The following COBL variants were observed in gnomAD, a reference collection of about 807,000 sequenced individuals.
COBL encodes the protein cordon-bleu WH2 repeat protein.
A neutral mutation model predicts 98.8 loss-of-function variants in COBL; 51 were observed. The ratio of observed to expected loss-of-function variants is 0.52; its 90% CI spans 0.41 to 0.65. The LOEUF is 0.65. COBL is among the 30% of genes least tolerant of loss of function. COBL has a pLI of 0.00. For synonymous variants in COBL, 634 were observed against 651.7 expected, an observed-to-expected ratio of 0.97 and a Z score of 0.41; for missense variants, 1,617 against 1,617.5, an observed-to-expected ratio of 1.00 and a Z score of 0.01.
intron 1 of COBL, among the ~76,000 whole-genome samples, chr7:51,228,461 A>C (rs1165941577): frequency 6.6e-6 from 1 of 152,104 alleles, no homozygotes; most frequent in Non-Finnish European, 1.5e-5. Context: ...CTGGCTCCTC[A>C]AAATGCCTAA....
intron 6 of COBL, among the ~76,000 whole-genome samples, chr7:51,115,948 C>A (rs1797236867): frequency 6.6e-6 from 1 of 151,954 alleles, no homozygotes; most frequent in Non-Finnish European, 1.5e-5. Context: ...TGTATTGATT[C>A]TTTAATCATT....
chr7:51,217,678 G>A (rs1480185490), intron 2 of COBL, among the ~76,000 whole-genome samples: 1 of 152,038 alleles, frequency 6.6e-6, no homozygotes, highest in Non-Finnish European at 1.5e-5. Context: ...ATGTACCTAG[G>A]AATTGGGCTA....
chr7:51,054,181 CTCAA>C (rs1208429527), intron 7 of COBL, among the ~76,000 whole-genome samples: 2 of 152,156 alleles, frequency 1.3e-5, no homozygotes, highest in Admixed American at 6.5e-5. Context: ...GAGACTCTGT[CTCAA>C]TCAATCAAAC....
intron 1 of COBL, among the ~76,000 whole-genome samples, chr7:51,284,609 A>G (rs544552196): frequency 6.6e-6 from 1 of 151,998 alleles, no homozygotes; most frequent in South Asian, 2.1e-4. Context: ...CAGGTGGATC[A>G]TGAGGTCAGG....
chr7:51,094,386 A>G (rs1436784422), intron 6 of COBL, among the ~76,000 whole-genome samples: 1 of 152,162 alleles, frequency 6.6e-6, no homozygotes, highest in African/African-American at 2.4e-5. Flanking sequence ...TAATCTCACC[A>G]CAAAAAAAAG....
intron 2 of COBL, among the ~76,000 whole-genome samples, chr7:51,208,145 G>A (rs538142692): frequency 3.3e-4 from 50 of 150,548 alleles, no homozygotes; most frequent in Non-Finnish European, 5.0e-4. Flanking sequence ...GGTGAGGAGC[G>A]TCTCTGCCTG....
chr7:51,134,611 T>C (rs1033101471), intron 6 of COBL, among the ~76,000 whole-genome samples: 1 of 152,194 alleles, frequency 6.6e-6, no homozygotes, highest in African/African-American at 2.4e-5. Flanking sequence ...AAAGCTGACA[T>C]AATATTGATC....
intron 1 of COBL, among the ~76,000 whole-genome samples, chr7:51,286,176 C>A (rs2129182005): frequency 6.6e-6 from 1 of 151,468 alleles, no homozygotes; most frequent in Admixed American, 6.6e-5. Context: ...AGAAAATATT[C>A]ATGGCCTGGG....
rs368148791 is a variant in COBL at position 51,208,536 on chromosome 7, C to T, written c.245+11205G>A. 2.6e-5 allele frequency among the ~76,000 whole-genome samples: 4 copies of T among 152,296 alleles called. No homozygotes were observed. In the South Asian group the frequency reaches 8.3e-4, roughly 32 times the overall value. ...CTGGGAAGTGAGGAGCCCCTCTGCC[C>T]GGCCACCACCCCATCTGGGAGGCGT... On this transcript the variant is annotated intron_variant, in intron 2 of 12. Coordinates refer to ENST00000265136, the MANE Select transcript of COBL (RefSeq NM_015198.5).
At chr7:51,103,859 T>A (rs1391622039) in intron 6 of COBL, among the ~76,000 whole-genome samples, 1 of 152,246 alleles carries the variant, frequency 6.6e-6, no homozygotes, top group East Asian at 1.9e-4. Flanking sequence ...AGCTGGAATA[T>A]CTAACTCAAA....
intron 6 of COBL, among the ~76,000 whole-genome samples, chr7:51,129,551 G>A (rs1437552534): frequency 2.0e-5 from 3 of 152,128 alleles, no homozygotes; most frequent in East Asian, 1.9e-4. Flanking sequence ...CTGGTTTAAT[G>A]AGCACAGTGT....
At chr7:51,147,387 G>C (rs1785127440) in intron 5 of COBL, among the ~76,000 whole-genome samples, 1 of 152,224 alleles carries the variant, frequency 6.6e-6, no homozygotes, top group South Asian at 2.1e-4. Flanking sequence ...ACTTTCTGCA[G>C]AAAGGGTACA....
At chr7:51,259,252 A>G (rs180815206) in intron 1 of COBL, among the ~76,000 whole-genome samples, 18 of 146,582 alleles carry the variant, frequency 1.2e-4, no homozygotes, top group Non-Finnish European at 1.2e-4. Context: ...ACACAACCGC[A>G]CTCCAGGCTG....
chr7:51,141,310 A>C lies in COBL; in HGVS notation c.784-4979T>G, dbSNP rs562656491. Among the ~76,000 whole-genome samples the C allele has an allele frequency of 3.9e-5, 6 of 152,318 alleles. No homozygotes were observed. The South Asian group carries it at 1.2e-3, about 32-fold the overall frequency. Reference sequence around the variant, plus strand: ...CAAGGTTAAGGGATATGTTTTGGTTACAATAAGTATACTCTGAGCTGGCAA... The same window carrying C: ...CAAGGTTAAGGGATATGTTTTGGTTCCAATAAGTATACTCTGAGCTGGCAA... On this transcript the variant is annotated intron_variant, in intron 5 of 12. Transcript: ENST00000265136.
intron 1 of COBL, among the ~76,000 whole-genome samples, chr7:51,269,861 C>A (rs1317424092): frequency 6.6e-6 from 1 of 152,204 alleles, no homozygotes; most frequent in African/African-American, 2.4e-5. Context: ...TGTCTCCAGA[C>A]TGAGGACGTG....
At chr7:51,182,109 GTGAGGAATGAGGAA>G (rs530372485) in intron 5 of COBL, among the ~76,000 whole-genome samples, 1 of 152,112 alleles carries the variant, frequency 6.6e-6, no homozygotes, top group African/African-American at 2.4e-5. Flanking sequence ...AGGTCTAAGG[GTGAGGAATGAGGAA>G]TGAGGAATGG....
At chr7:51,056,607 G>A (rs1424214648) in intron 7 of COBL, among the ~76,000 whole-genome samples, 4 of 152,148 alleles carry the variant, frequency 2.6e-5, no homozygotes, top group Non-Finnish European at 5.9e-5. Context: ...AGACTGTGAA[G>A]ATGACTAATT....
At chr7:51,084,580 G>A (rs1397425248) in intron 7 of COBL, among the ~76,000 whole-genome samples, 1 of 152,142 alleles carries the variant, frequency 6.6e-6, no homozygotes, top group Non-Finnish European at 1.5e-5. Flanking sequence ...CACGAGGGGT[G>A]GGCTATGATG....
intron 9 of COBL, 136 bp from the exon 10 acceptor site, chr7:51,029,727 T>G (rs1471792707): frequency 2.8e-6 from 2 of 725,124 alleles, no homozygotes; most frequent in African/African-American, 3.6e-5. Flanking sequence ...TTATTTGGGT[T>G]TGTAATCTAC....
Sources: allele counts gnomAD v4.1 joint callset (sites outside exome capture counted in the v4.1 genomes callset), GRCh38; gene constraint gnomAD v4.1.1; transcripts MANE v1.5; gene names NCBI Gene and HGNC (gene_info 2026-07-23, HGNC 2026-07-21).